The following SULF1 variants were observed in gnomAD, a reference collection of about 807,000 sequenced individuals.
SULF1 encodes extracellular sulfatase Sulf-1.
Under a neutral mutation model 110.5 loss-of-function variants are expected in SULF1, and 46 were observed. The ratio of observed to expected loss-of-function variants is 0.42; its 90% CI spans 0.33 to 0.53. The LOEUF is 0.53. SULF1 is among the 20% of genes least tolerant of loss of function. SULF1 has a pLI of 0.12. For synonymous variants in SULF1, 371 were observed against 387.1 expected, an observed-to-expected ratio of 0.96 and a Z score of 0.49; for missense variants, 941 against 1,094.2, an observed-to-expected ratio of 0.86 and a Z score of 1.98.
chr8:69,656,302 G>A (rs981546875), intron 22 of SULF1, among the ~76,000 whole-genome samples: 1 of 152,108 alleles, frequency 6.6e-6, no homozygotes, highest in Non-Finnish European at 1.5e-5. Flanking sequence ...TATTTTTGTT[G>A]TTGTCGTTGT....
Position 69,567,372 on chromosome 8 carries a change from C to T in SULF1, c.172+3225C>T, listed in dbSNP as rs1275346911. ...TGTTTTTGTTTTTTTACCATCTTAACCATTTTTAAGTGTACAATTCAGTAC... is the reference window on the plus strand; with the variant it reads ...TGTTTTTGTTTTTTTACCATCTTAATCATTTTTAAGTGTACAATTCAGTAC... On this transcript the variant is annotated intron_variant, in intron 5 of 22. Transcript: ENST00000402687. 1.3e-5 allele frequency among the ~76,000 whole-genome samples: 2 copies of T among 152,154 alleles called. 1 individual carries two copies. The highest frequency in any genetic ancestry group is 4.2e-4 in the South Asian group (2 of 4,800).
chr8:69,640,678 C>G (rs1811410060), intron 21 of SULF1, 130 bp from the exon 22 acceptor site: 1 of 616,964 alleles, frequency 1.6e-6, no homozygotes, highest in Non-Finnish European at 2.6e-6. Flanking sequence ...TGTTGGGCTT[C>G]AGCACTGTCT....
chr8:69,586,432 T>A lies in SULF1; in HGVS notation c.488T>A (p.Ile163Asn). 1 of 1,612,112 alleles carries A rather than the reference T, an allele frequency of 6.2e-7. No homozygotes were observed. The highest frequency in any genetic ancestry group is 2.2e-5 in the East Asian group (1 of 44,814). ...PPGWREWLGL[I>N]KNSRFYNYTV... is the part of the protein sequence containing the mutation. ...GGGTGGCGAGAATGGCTTGGATTAA[T>A]CAAGAATTCTCGCTTCTATAATTAC... Residue 163 changes from isoleucine to asparagine, a missense_variant, in exon 7 of 23, where the codon ATC becomes AAC. Physicochemically the swap from Ile to Asn is moderately radical, Grantham distance 149. This residue lies in a region of SULF1 where 822 missense variants were observed against 934.3 expected (regional missense o/e 0.88). Transcript: ENST00000402687.
intron 3 of SULF1, among the ~76,000 whole-genome samples, chr8:69,519,575 A>G (rs1277736153): frequency 2.0e-5 from 3 of 152,134 alleles, no homozygotes; most frequent in African/African-American, 4.8e-5. Context: ...AGCAAATATC[A>G]TATGTGTTCA....
intron 1 of SULF1, among the ~76,000 whole-genome samples, chr8:69,475,098 A>G (rs1809244437): frequency 6.6e-6 from 1 of 151,810 alleles, no homozygotes; most frequent in African/African-American, 2.4e-5. Flanking sequence ...GGGAAAGAGG[A>G]TAGAGGCAAA....
intron 13 of SULF1, among the ~76,000 whole-genome samples, chr8:69,613,866 T>A (rs1808863734): frequency 6.6e-6 from 1 of 151,964 alleles, no homozygotes; most frequent in African/African-American, 2.4e-5. Flanking sequence ...TGACTATCCA[T>A]GAAGCCAGGA....
intron 13 of SULF1, among the ~76,000 whole-genome samples, chr8:69,616,850 G>A (rs1315445982): frequency 2.6e-5 from 4 of 152,008 alleles, no homozygotes; most frequent in African/African-American, 9.7e-5. Flanking sequence ...ACCACACCCG[G>A]CCTCAAGAAT....
chr8:69,469,728 T>C (rs1809004321), intron 1 of SULF1, among the ~76,000 whole-genome samples: 1 of 152,246 alleles, frequency 6.6e-6, no homozygotes, highest in African/African-American at 2.4e-5. Flanking sequence ...GTGTTTTATA[T>C]TGAAAATGGG....
At chr8:69,524,638 A>T (rs1467968945) in intron 3 of SULF1, among the ~76,000 whole-genome samples, 1 of 152,200 alleles carries the variant, frequency 6.6e-6, no homozygotes. Flanking sequence ...CATCAAATGG[A>T]TACACTCACA....
intron 8 of SULF1, chr8:69,596,943 G>A (rs982696328): frequency 1.3e-5 from 2 of 152,166 alleles, no homozygotes; most frequent in African/African-American, 2.4e-5. Flanking sequence ...TTATATAGAT[G>A]AGGAAACTGA....
intron 1 of SULF1, among the ~76,000 whole-genome samples, chr8:69,472,538 T>C (rs1460143500): frequency 6.6e-6 from 1 of 152,210 alleles, no homozygotes; most frequent in African/African-American, 2.4e-5. Context: ...GAATGCCACT[T>C]AGCAAATATG....
chr8:69,634,663 A>G (rs1810836677), intron 19 of SULF1, among the ~76,000 whole-genome samples: 1 of 152,050 alleles, frequency 6.6e-6, no homozygotes, highest in African/African-American at 2.4e-5. Context: ...TGGGAGGCTG[A>G]GGTGGGAGAG....
At chr8:69,508,346 C>T (rs1001604618) in intron 3 of SULF1, among the ~76,000 whole-genome samples, 13 of 152,196 alleles carry the variant, frequency 8.5e-5, no homozygotes, top group African/African-American at 2.4e-4. Flanking sequence ...CTCAGGTGAT[C>T]CACCCACCTT....
At chr8:69,517,578 T>TG (rs1380314748) in intron 3 of SULF1, among the ~76,000 whole-genome samples, 5 of 151,944 alleles carry the variant, frequency 3.3e-5, no homozygotes, top group Non-Finnish European at 5.9e-5. Flanking sequence ...GGTAAATGGG[T>TG]GGGGGCAAAA....
In SULF1 at chr8:69,502,773, C is replaced by T. The variant is rs1810905232; in HGVS notation, c.-134+805C>T. On this transcript the variant is annotated intron_variant, in intron 3 of 22. Transcript: ENST00000402687. ...TGTGATCTTGGCTCACTGCAACCTCCGCCTCCTGGGTTCAAGCAATTCTCC... is the reference window on the plus strand; with the variant it reads ...TGTGATCTTGGCTCACTGCAACCTCTGCCTCCTGGGTTCAAGCAATTCTCC... 4.7e-5 allele frequency among the ~76,000 whole-genome samples: 7 copies of T among 148,556 alleles called. No individual in the cohort carries two copies. The South Asian group carries it at 6.4e-4, about 14-fold the overall frequency.
intron 13 of SULF1, among the ~76,000 whole-genome samples, chr8:69,616,702 G>GTGTTTTT (rs1809170954): frequency 5.7e-5 from 6 of 104,598 alleles, no homozygotes; most frequent in South Asian, 3.5e-4. Context: ...GTGCCCGGCC[G>GTGTTTTT]TTTTTTTTTT....
intron 3 of SULF1, among the ~76,000 whole-genome samples, chr8:69,551,319 G>A (rs532145292): frequency 3.8e-4 from 58 of 152,310 alleles, no homozygotes; most frequent in African/African-American, 1.2e-3. Flanking sequence ...GCCCCTGTCA[G>A]AGTCCGTTAC....
chr8:69,486,577 G>A (rs1009347156), intron 1 of SULF1, among the ~76,000 whole-genome samples: 1 of 152,116 alleles, frequency 6.6e-6, no homozygotes, highest in African/African-American at 2.4e-5. Flanking sequence ...CTAAAAGAAG[G>A]TTTGCTGTGA....
rs753404413 is a variant in SULF1, at chr8:69,586,397, C to T, written c.453C>T (p.Tyr151=). Residue 151 remains tyrosine, a synonymous_variant, in exon 7 of 23, where the codon TAC becomes TAT. Coordinates refer to ENST00000402687, the MANE Select transcript of SULF1 (RefSeq NM_001128205.2). ...ACCTCAATGAATATAATGGCAGCTACATCCCCCCTGGGTGGCGAGAATGGC... is the reference window on the plus strand; with the variant it reads ...ACCTCAATGAATATAATGGCAGCTATATCCCCCCTGGGTGGCGAGAATGGC... ...GKYLNEYNGS[Y]IPPGWREWLG... 5.7e-5 allele frequency: 91 copies of T among 1,605,422 alleles called. 1 individual carries two copies. In the Middle Eastern group the frequency reaches 2.5e-3, roughly 44 times the overall value.
Sources: gnomAD v4.1 joint callset for allele counts (sites outside exome capture counted in the v4.1 genomes callset) on GRCh38, gnomAD v4.1.1 for gene constraint, gnomAD v4.1.1 regional missense constraint, MANE v1.5 for transcripts, NCBI Gene and HGNC (gene_info 2026-07-23, HGNC 2026-07-21) for gene names.